The following KIF13A variants were observed in gnomAD, a reference collection of about 807,000 sequenced individuals.
The protein encoded by KIF13A is kinesin-like protein KIF13A.
A neutral mutation model predicts 212.2 loss-of-function variants in KIF13A; 79 were observed. The ratio of observed to expected loss-of-function variants is 0.37; its 90% CI spans 0.31 to 0.45. The LOEUF (loss-of-function observed/expected upper bound fraction) is 0.45, where lower values mean the gene tolerates loss of function less well. KIF13A is among the 20% of genes least tolerant of loss of function. The pLI is 1.00. For synonymous variants in KIF13A, 789 were observed against 808.6 expected (o/e 0.98, Z 0.41); for missense variants, 1,901 against 2,209.0 (o/e 0.86, Z 2.79).
Position 17,987,429 on chromosome 6 carries a change from AC to A in KIF13A, c.34del (p.Val12SerfsTer4). ...SDTKVKVAVR[V>X]RPMNRRELEL... ...CTCACCTCGTCGGTTCATGGGCCGG[AC>A]CCGGACGGCAACTTTTACCTTGGTA... is the stretch of plus-strand genomic sequence containing the variant. On this transcript the variant is annotated frameshift_variant, in exon 1 of 39. Coordinates refer to ENST00000259711, the MANE Select transcript of KIF13A (RefSeq NM_022113.6). LOFTEE classifies it high-confidence loss of function. The surrounding 1 kb of genome is among the most constrained non-coding windows in gnomAD (Gnocchi z 7.7). 1.5e-6 allele frequency: 2 copies of A among 1,353,128 alleles called. No homozygotes were observed. Among genetic ancestry groups the A allele is most frequent in the South Asian group, 1.3e-5 (1 of 79,692 alleles). 83.8% of individuals were successfully genotyped at this position (1,353,128 alleles called of 1,614,324 possible). A position where few individuals can be genotyped will look rare whatever the true frequency, so the allele number is the denominator to read the frequency against.
intron 2 of KIF13A, among the ~76,000 whole-genome samples, chr6:17,945,544 A>T (rs1046154621): frequency 1.3e-5 from 2 of 152,242 alleles, no homozygotes; most frequent in Non-Finnish European, 2.9e-5. Context: ...TTAAGTACCC[A>T]GATACAAATC....
intron 3 of KIF13A, among the ~76,000 whole-genome samples, chr6:17,891,450 C>T (rs937139879): frequency 6.6e-6 from 1 of 152,214 alleles, no homozygotes; most frequent in Non-Finnish European, 1.5e-5. Context: ...TTCATCTTCT[C>T]CTTGCCCTAA....
At chr6:17,820,250 C>G (rs1764316021) in intron 16 of KIF13A, among the ~76,000 whole-genome samples, 1 of 152,106 alleles carries the variant, frequency 6.6e-6, no homozygotes, top group Admixed American at 6.5e-5. Context: ...GAAGACAGAG[C>G]AACTCAATCC....
chr6:17,811,826 C>T lies in KIF13A; in HGVS notation c.2001-2896G>A, dbSNP rs1763452753. Reference sequence around the variant, plus strand: ...TCTTCCTTCCTTCCTTCCTTCTCTCCCTCCCTTTTTCTTTCTTTCCTTCTC... The same window carrying T: ...TCTTCCTTCCTTCCTTCCTTCTCTCTCTCCCTTTTTCTTTCTTTCCTTCTC... On this transcript the variant is annotated intron_variant, in intron 17 of 38. Coordinates refer to ENST00000259711, the MANE Select transcript of KIF13A (RefSeq NM_022113.6). The surrounding 1 kb of genome is among the most constrained non-coding windows in gnomAD (Gnocchi z 6.0). 6.6e-6 allele frequency among the ~76,000 whole-genome samples: 1 copy of T among 151,480 alleles called. No homozygotes were observed. Among genetic ancestry groups the T allele is most frequent in the Non-Finnish European group, 1.5e-5 (1 of 67,922 alleles).
At chr6:17,976,948 A>C (rs1298720877) in intron 2 of KIF13A, among the ~76,000 whole-genome samples, 1 of 151,950 alleles carries the variant, frequency 6.6e-6, no homozygotes, top group African/African-American at 2.4e-5. Flanking sequence ...AAAAATATAA[A>C]AAAATTAGCT....
chr6:17,836,824 C>T (rs1449982827), intron 11 of KIF13A, 54 bp downstream of exon 11: 3 of 1,531,358 alleles, frequency 2.0e-6, no homozygotes, highest in Non-Finnish European at 2.7e-6. Flanking sequence ...CCTTGCCAGT[C>T]AAATCCCGCA....
chr6:17,771,035 C>T lies in KIF13A; in HGVS notation c.4581+79G>A. The T allele has an allele frequency of 1.1e-6, 1 of 903,214 alleles. No individual in the cohort carries two copies. Among genetic ancestry groups the T allele is most frequent in the Non-Finnish European group, 1.8e-6 (1 of 568,410 alleles). 55.9% of individuals were successfully genotyped at this position (903,214 alleles called of 1,614,324 possible). ...GACCCAATACATGTCTTAATTTCTT[C>T]TAGCATTTGGATGATTGTCTGTGAA... is the stretch of plus-strand genomic sequence containing the variant. On this transcript the variant is annotated intron_variant, in intron 38 of 38. Coordinates refer to ENST00000259711, the MANE Select transcript of KIF13A (RefSeq NM_022113.6). This position sits in a 1 kb window ranked among gnomAD's most constrained non-coding sequence, Gnocchi z 5.4.
intron 31 of KIF13A, among the ~76,000 whole-genome samples, chr6:17,780,096 T>C (rs1266193866): frequency 4.6e-5 from 7 of 152,196 alleles, no homozygotes; most frequent in Non-Finnish European, 1.0e-4. Context: ...TACTATGTTT[T>C]TGAAATGCAG....
Position 17,828,064 on chromosome 6 carries a change from C to A in KIF13A, c.1532+176G>T, listed in dbSNP as rs1012246887. 3.9e-5 allele frequency among the ~76,000 whole-genome samples: 6 copies of A among 152,134 alleles called. No homozygotes were observed. The highest frequency in any genetic ancestry group is 1.4e-4 in the African/African-American group (6 of 41,426). On this transcript the variant is annotated intron_variant, in intron 14 of 38. Transcript: ENST00000259711. This position sits in a 1 kb window ranked among gnomAD's most constrained non-coding sequence, Gnocchi z 4.3. Reference sequence around the variant, plus strand: ...ATTAAGTGGAACTAGAACTCGCATACAAAAATAGTCACTCCTTCACAGTAA... The same window carrying A: ...ATTAAGTGGAACTAGAACTCGCATAAAAAAATAGTCACTCCTTCACAGTAA...
chr6:17,857,422 T>C (rs1393292884), intron 4 of KIF13A, among the ~76,000 whole-genome samples: 1 of 152,174 alleles, frequency 6.6e-6, no homozygotes, highest in Non-Finnish European at 1.5e-5. Context: ...GTGGCTTCCT[T>C]TGAGTTCTTT....
intron 38 of KIF13A, among the ~76,000 whole-genome samples, chr6:17,767,228 T>C (rs1487979065): frequency 6.6e-6 from 1 of 152,016 alleles, no homozygotes; most frequent in Non-Finnish European, 1.5e-5. Flanking sequence ...CTAGATTCTC[T>C]ACTTGTCATG....
intron 16 of KIF13A, among the ~76,000 whole-genome samples, chr6:17,817,815 G>C (rs1455603205): frequency 6.6e-6 from 1 of 152,160 alleles, no homozygotes; most frequent in Non-Finnish European, 1.5e-5. Flanking sequence ...GTATCTAAAA[G>C]GACAATTCAC....
At position 17,855,262 on chromosome 6, in the gene KIF13A, A is replaced by T. The variant is rs1226387738; in HGVS notation, c.494+175T>A. 6.6e-6 allele frequency among the ~76,000 whole-genome samples: 1 copy of T among 152,260 alleles called. No homozygotes were observed. The highest frequency in any genetic ancestry group is 2.4e-5 in the African/African-American group (1 of 41,470). ...AGGCAACTTTATACATTAATGTAGG[A>T]TAAACACTGGGTATACCAAAAGGCT... On this transcript the variant is annotated intron_variant, in intron 6 of 38. Coordinates refer to ENST00000259711, the MANE Select transcript of KIF13A (RefSeq NM_022113.6). The surrounding 1 kb of genome is among the most constrained non-coding windows in gnomAD (Gnocchi z 4.1).
In KIF13A at chr6:17,789,035, T is replaced by C. The variant is rs2150317045; in HGVS notation, c.3261+837A>G. Among the ~76,000 whole-genome samples, 1 of 152,306 alleles carries C rather than the reference T, an allele frequency of 6.6e-6. No homozygotes were observed. The highest frequency in any genetic ancestry group is 1.5e-5 in the Non-Finnish European group (1 of 68,024). The stretch of plus-strand genomic sequence containing the variant: ...ACCACGCCCAGCCACTGTACCCACA[T>C]TTTACATGTAGGAAGGCACACTGGG... On this transcript the variant is annotated intron_variant, in intron 26 of 38. Coordinates refer to ENST00000259711, the MANE Select transcript of KIF13A (RefSeq NM_022113.6). This position sits in a 1 kb window ranked among gnomAD's most constrained non-coding sequence, Gnocchi z 4.8.
intron 25 of KIF13A, among the ~76,000 whole-genome samples, chr6:17,791,951 C>T (rs371789485): frequency 2.5e-3 from 363 of 146,864 alleles, no homozygotes; most frequent in Non-Finnish European, 4.7e-3. Flanking sequence ...CGCCTGTAAT[C>T]CCAGCACTTT....
Position 17,897,112 on chromosome 6 carries a change from G to C in KIF13A, c.159+1056C>G, listed in dbSNP as rs922254567. ...CATTTGTTCAATGCATGCCTTCCTT[G>C]CTAAAGCTGAAACTCTTATTGCCAA... On this transcript the variant is annotated intron_variant, in intron 3 of 38. Coordinates refer to ENST00000259711, the MANE Select transcript of KIF13A (RefSeq NM_022113.6). This position sits in a 1 kb window ranked among gnomAD's most constrained non-coding sequence, Gnocchi z 4.8. Among the ~76,000 whole-genome samples the C allele has an allele frequency of 9.9e-5, 15 of 152,020 alleles. No homozygotes were observed. Among genetic ancestry groups the C allele is most frequent in the African/African-American group, 3.6e-4 (15 of 41,368 alleles).
At chr6:17,862,283 G>A (rs1045110653) in intron 4 of KIF13A, among the ~76,000 whole-genome samples, 29 of 152,114 alleles carry the variant, frequency 1.9e-4, no homozygotes, top group African/African-American at 5.3e-4. Flanking sequence ...CTACCTAAGT[G>A]GGCTACTGGG....
At chr6:17,906,796 G>A (rs573641011) in intron 2 of KIF13A, among the ~76,000 whole-genome samples, 1 of 152,264 alleles carries the variant, frequency 6.6e-6, no homozygotes, top group African/African-American at 2.4e-5. Context: ...GTTGGTGAGG[G>A]GAAGCTACGG....
At chr6:17,956,098 C>G (rs950623279) in intron 2 of KIF13A, among the ~76,000 whole-genome samples, 1 of 152,148 alleles carries the variant, frequency 6.6e-6, no homozygotes, top group African/African-American at 2.4e-5. Context: ...TGCCAGGCTC[C>G]GTTCTAAGGA....
Sources: allele counts gnomAD v4.1 joint callset (sites outside exome capture counted in the v4.1 genomes callset), GRCh38; gene constraint gnomAD v4.1.1; non-coding constraint Gnocchi (gnomAD v3.1); transcripts MANE v1.5; gene names NCBI Gene and HGNC (gene_info 2026-07-23, HGNC 2026-07-21).